Variants in GBA2 observed in about 807,000 individuals in gnomAD.
GBA2 encodes the protein glucosylceramidase beta 2, also known as non-lysosomal glucosylceramidase.
A neutral mutation model predicts 112.9 loss-of-function variants in GBA2; 79 were observed. The ratio of observed to expected loss-of-function variants is 0.70; its 90% CI spans 0.58 to 0.84. GBA2 has a LOEUF of 0.84. GBA2 is among the 40% of genes least tolerant of loss of function. The pLI is 0.00. For missense variants in GBA2, 1,043 were observed against 1,190.0 expected, an observed-to-expected ratio of 0.88 and a Z score of 1.82; for synonymous variants, 403 against 434.3, an observed-to-expected ratio of 0.93 and a Z score of 0.90.
Position 35,738,860 on chromosome 9 carries a change from A to G in GBA2, c.1839T>C (p.Asp613=), listed in dbSNP as rs1233350969. The G allele has an allele frequency of 6.2e-7, 1 of 1,613,510 alleles. No homozygotes were observed. The highest frequency in any genetic ancestry group is 1.1e-5 in the South Asian group (1 of 91,076). Residue 613 remains aspartate, a synonymous_variant, in exon 12 of 17, where the codon GAT becomes GAC. Coordinates refer to ENST00000378103, the MANE Select transcript of GBA2 (RefSeq NM_020944.3). ...WLRVNAYLIH[D]TADWKDLNLK... ...GGTTCAGGTCCTTCCAATCAGCAGT[A>G]TCATGGATTAAATATGCATTGACGC...
chr9:35,737,325 G>A lies in GBA2; in HGVS notation c.2628C>T (p.Ala876=), dbSNP rs1826265505. The change falls in exon 17 of 17, where the codon GCC becomes GCT. Residue 876 remains alanine, a synonymous_variant. Coordinates refer to ENST00000378103, the MANE Select transcript of GBA2 (RefSeq NM_020944.3). The surrounding 1 kb of genome is among the most constrained non-coding windows in gnomAD (Gnocchi z 4.1). The part of the protein sequence containing the change: ...YCQQRVFRSL[A]YMRPLSIWAM... ...CCCATATGCTCAGTGGCCGCATGTA[G>A]GCCAGTGAGCGGAACACTCGCTGCT... is the stretch of plus-strand genomic sequence containing the variant. 6.2e-7 allele frequency: 1 copy of A among 1,614,150 alleles called. No homozygotes were observed. The highest frequency in any genetic ancestry group is 2.2e-5 in the East Asian group (1 of 44,884).
At position 35,741,381 on chromosome 9, in the gene GBA2, G is replaced by A. The variant is rs1196495861; in HGVS notation, c.786+291C>T. On this transcript the variant is annotated intron_variant, in intron 4 of 16. Transcript: ENST00000378103. This position sits in a 1 kb window ranked among gnomAD's most constrained non-coding sequence, Gnocchi z 4.6. ...GCAATCTCGGCTCACTGCAAGCTCCGCCTCCCGGGTTCACACCATTATCCT... is the reference window on the plus strand; with the variant it reads ...GCAATCTCGGCTCACTGCAAGCTCCACCTCCCGGGTTCACACCATTATCCT... 15 of 486,816 alleles carry A rather than the reference G, an allele frequency of 3.1e-5. No individual in the cohort carries two copies. Among genetic ancestry groups the A allele is most frequent in the East Asian group, 3.6e-5 (1 of 27,596 alleles). 30.2% of individuals were successfully genotyped at this position (486,816 alleles called of 1,614,324 possible).
rs771881328 is a variant in GBA2, at chr9:35,738,160, C to T, written c.2198-8G>A. On this transcript the variant is annotated splice_region_variant and splice_polypyrimidine_tract_variant and intron_variant, in intron 14 of 16. Coordinates refer to ENST00000378103, the MANE Select transcript of GBA2 (RefSeq NM_020944.3). The stretch of plus-strand genomic sequence containing the variant: ...CATAGTTGTAATAGCGGCCTGGAGT[C>T]GAGGAAGAGAAAAATAAGGCTCCTG... 1.2e-5 allele frequency: 19 copies of T among 1,613,278 alleles called. No homozygotes were observed. The highest frequency in any genetic ancestry group is 1.5e-5 in the Non-Finnish European group (18 of 1,179,326).
rs958345842 is a variant in GBA2, at chr9:35,748,770, G to T, written c.-66C>A. 2.9e-6 allele frequency: 3 copies of T among 1,031,324 alleles called. No homozygotes were observed. Among genetic ancestry groups the T allele is most frequent in the East Asian group, 4.9e-5 (2 of 40,888 alleles). The allele number at this position is 1,031,324 out of a possible 1,614,324, so 63.9% of individuals were successfully genotyped here. A position where few individuals can be genotyped will look rare whatever the true frequency, so the allele number is the denominator to read the frequency against. On this transcript the variant is annotated 5_prime_UTR_variant, in exon 1 of 17. Transcript: ENST00000378103. ...TATCTCGCCAGCCTATTCCAGATGCGGGCGCCGGTCGTTGTTAGGTATCGT... is the reference window on the plus strand; with the variant it reads ...TATCTCGCCAGCCTATTCCAGATGCTGGCGCCGGTCGTTGTTAGGTATCGT...
chr9:35,738,012 C>G, intron 15 of GBA2, 25 bp downstream of exon 15: 1 of 1,592,546 alleles, frequency 6.3e-7, no homozygotes, highest in Non-Finnish European at 8.6e-7. Context: ...ATTTTTCTCT[C>G]TGGCTGCTCC....
rs776562048 is a variant in GBA2 at position 35,740,294 on chromosome 9, GT to G, written c.1197del (p.Pro400LeufsTer172). On this transcript the variant is annotated frameshift_variant, in exon 7 of 17. Coordinates refer to ENST00000378103, the MANE Select transcript of GBA2 (RefSeq NM_020944.3). LOFTEE classifies it high-confidence loss of function. The surrounding 1 kb of genome is among the most constrained non-coding windows in gnomAD (Gnocchi z 4.7). ...AACTCCAGGCGGCACTGGCCTCGAG[GT>G]CGCAACTTGCTGGAAACACACACAG... ...AGAVCVSSKL[R>X]PRGQCRLEFS... 1 of 1,613,966 alleles carries G rather than the reference GT, an allele frequency of 6.2e-7. No homozygotes were observed. The highest frequency in any genetic ancestry group is 8.5e-7 in the Non-Finnish European group (1 of 1,180,014).
rs897174262 is a variant in GBA2 at position 35,746,743 on chromosome 9, T to G, written c.359+1603A>C. Among the ~76,000 whole-genome samples, 2 of 151,832 alleles carry G rather than the reference T, an allele frequency of 1.3e-5. No individual in the cohort carries two copies. On this transcript the variant is annotated intron_variant, in intron 1 of 16. Transcript: ENST00000378103. This position sits in a 1 kb window ranked among gnomAD's most constrained non-coding sequence, Gnocchi z 5.2. ...GAAACTAGAGACCAGAAAGGACTGG[T>G]AGAGGGAGGGTGTGGCCGAGGATTA...
rs762058890 is a variant in GBA2 at position 35,740,801 on chromosome 9, G to A, written c.1026+24C>T. ...GTGGAGGTGGGGTTCAGGGGCTAAGGTATAGGGCAGGCTCTTTCCTTACCG... is the reference window on the plus strand; with the variant it reads ...GTGGAGGTGGGGTTCAGGGGCTAAGATATAGGGCAGGCTCTTTCCTTACCG... On this transcript the variant is annotated intron_variant, in intron 5 of 16. Coordinates refer to ENST00000378103, the MANE Select transcript of GBA2 (RefSeq NM_020944.3). The surrounding 1 kb of genome is among the most constrained non-coding windows in gnomAD (Gnocchi z 4.7). The A allele has an allele frequency of 1.9e-6, 3 of 1,613,462 alleles. No homozygotes were observed. The highest frequency in any genetic ancestry group is 1.7e-6 in the Non-Finnish European group (2 of 1,179,594).
rs368771988 is a variant in GBA2, at chr9:35,744,401, C to G, written c.463G>C (p.Gly155Arg). The change falls in exon 3 of 17, where the codon GGT (glycine) becomes CGT (arginine). Residue 155 changes from glycine to arginine, a missense_variant. By Grantham distance (125) the Gly-to-Arg change is moderately radical (BLOSUM62 -2). Transcript: ENST00000378103. ...GTAATAGTGCCTCCCCCGATGCCAC[C>G]CAAGGGACAACCTAGAGAAATCAGG... ...PLRQIYGCPL[G>R]GIGGGTITRG... is the part of the protein sequence containing the mutation. 1 of 1,598,506 alleles carries G rather than the reference C, an allele frequency of 6.3e-7. No individual in the cohort carries two copies. The highest frequency in any genetic ancestry group is 8.6e-7 in the Non-Finnish European group (1 of 1,165,802).
chr9:35,742,699 A>G (rs1826762065), intron 3 of GBA2, among the ~76,000 whole-genome samples: 1 of 152,088 alleles, frequency 6.6e-6, no homozygotes, highest in South Asian at 2.1e-4. Context: ...CCCTTTTTCC[A>G]CAGTATACTA....
At chr9:35,747,694 T>C (rs986804451) in intron 1 of GBA2, among the ~76,000 whole-genome samples, 7 of 152,194 alleles carry the variant, frequency 4.6e-5, no homozygotes, top group African/African-American at 1.7e-4. Context: ...TCACTAGTCT[T>C]TGAACTCAGT....
In GBA2 at chr9:35,737,322, G is replaced by A. The variant is rs925121854; in HGVS notation, c.2631C>T (p.Tyr877=). The change falls in exon 17 of 17, where the codon TAC becomes TAT. Residue 877 remains tyrosine, a synonymous_variant. Coordinates refer to ENST00000378103, the MANE Select transcript of GBA2 (RefSeq NM_020944.3). The surrounding 1 kb of genome is among the most constrained non-coding windows in gnomAD (Gnocchi z 4.1). The part of the protein sequence containing the change: ...CQQRVFRSLA[Y]MRPLSIWAMQ... Reference sequence around the variant, plus strand: ...TGGCCCATATGCTCAGTGGCCGCATGTAGGCCAGTGAGCGGAACACTCGCT... The same window carrying A: ...TGGCCCATATGCTCAGTGGCCGCATATAGGCCAGTGAGCGGAACACTCGCT... The A allele has an allele frequency of 6.2e-7, 1 of 1,614,056 alleles. No individual in the cohort carries two copies. Among genetic ancestry groups the A allele is most frequent in the Middle Eastern group, 1.6e-4 (1 of 6,062 alleles).
chr9:35,739,474 C>A lies in GBA2; in HGVS notation c.1583-55G>T, dbSNP rs1257189947. 4 of 1,381,996 alleles carry A rather than the reference C, an allele frequency of 2.9e-6. No individual in the cohort carries two copies. In the East Asian group the frequency reaches 6.9e-5, roughly 24 times the overall value. The allele number at this position is 1,381,996 out of a possible 1,614,324, so 85.6% of individuals were successfully genotyped here. ...CAGAATTCCTGCTTCCCCTTCAAAC[C>A]CCTCTGTAGCTTGTCCTCTAGATTT... On this transcript the variant is annotated intron_variant, in intron 9 of 16. Transcript: ENST00000378103.
Position 35,737,487 on chromosome 9 carries a change from C to T in GBA2, c.2506-40G>A, listed in dbSNP as rs1463614475. On this transcript the variant is annotated intron_variant, in intron 16 of 16. Coordinates refer to ENST00000378103, the MANE Select transcript of GBA2 (RefSeq NM_020944.3). The surrounding 1 kb of genome is among the most constrained non-coding windows in gnomAD (Gnocchi z 4.1). Reference sequence around the variant, plus strand: ...GACAGTCATACATACTAACTTGGCACCCTCTGAAGAGCCACTTCCACTGGA... The same window carrying T: ...GACAGTCATACATACTAACTTGGCATCCTCTGAAGAGCCACTTCCACTGGA... 4.4e-6 allele frequency: 7 copies of T among 1,600,460 alleles called. No homozygotes were observed. Among genetic ancestry groups the T allele is most frequent in the Non-Finnish European group, 5.1e-6 (6 of 1,173,242 alleles).
chr9:35,738,055 T>C lies in GBA2; in HGVS notation c.2295A>G (p.Leu765=). ...CTCTCACCTCAGTGTCTCCTTCTCC[T>C]AGGCCACAGGCCTTCAGGAACCACT... The part of the protein sequence containing the change: ...AGQWFLKACG[L]GEGDTEVFPT... Residue 765 remains leucine (L), a synonymous_variant, in exon 15 of 17, where the codon CTA becomes CTG. Coordinates refer to ENST00000378103, the MANE Select transcript of GBA2 (RefSeq NM_020944.3). The C allele has an allele frequency of 6.2e-7, 1 of 1,610,892 alleles. No homozygotes were observed. The highest frequency in any genetic ancestry group is 8.5e-7 in the Non-Finnish European group (1 of 1,177,770).
chr9:35,744,649 G>T lies in GBA2; in HGVS notation c.417C>A (p.Asp139Glu). The change falls in exon 2 of 17, where the codon GAC (aspartate) becomes GAA (glutamate). Residue 139 changes from aspartate (D) to glutamate (E), a missense_variant. Coordinates refer to ENST00000378103, the MANE Select transcript of GBA2 (RefSeq NM_020944.3). ...THVEKKTPFI[D>E]MINSVPLRQI... ...GTCTTAGGGGTACAGAATTGATCATGTCGATGAAAGGTGTCTTCTTTTCCA... is the reference window on the plus strand; with the variant it reads ...GTCTTAGGGGTACAGAATTGATCATTTCGATGAAAGGTGTCTTCTTTTCCA... 1 of 1,609,434 alleles carries T rather than the reference G, an allele frequency of 6.2e-7. No homozygotes were observed. The highest frequency in any genetic ancestry group is 8.5e-7 in the Non-Finnish European group (1 of 1,175,716).
rs1253601962 is a variant in GBA2, at chr9:35,738,380, C to G, written c.2055-6G>C. On this transcript the variant is annotated splice_polypyrimidine_tract_variant and splice_region_variant and intron_variant, in intron 13 of 16. Coordinates refer to ENST00000378103, the MANE Select transcript of GBA2 (RefSeq NM_020944.3). ...ACAGCCCTCCACAGTAAGCACTGAT[C>G]AGGGACATGGGTTTGGGGGTCAGAC... The G allele has an allele frequency of 6.2e-7, 1 of 1,613,358 alleles. No individual in the cohort carries two copies.
chr9:35,737,728 T>C lies in GBA2; in HGVS notation c.2505+20A>G, dbSNP rs1308088106. ...GGCCAGGATACAGATGGTGGAGAGA[T>C]GGGAAAAGGAGTGCATTACCTCTTG... On this transcript the variant is annotated intron_variant, in intron 16 of 16. Coordinates refer to ENST00000378103, the MANE Select transcript of GBA2 (RefSeq NM_020944.3). The surrounding 1 kb of genome is among the most constrained non-coding windows in gnomAD (Gnocchi z 4.1). 1.2e-6 allele frequency: 2 copies of C among 1,612,744 alleles called. No homozygotes were observed. Among genetic ancestry groups the C allele is most frequent in the Non-Finnish European group, 8.5e-7 (1 of 1,178,810 alleles).
intron 3 of GBA2, among the ~76,000 whole-genome samples, chr9:35,743,754 A>G (rs1826828448): frequency 6.6e-6 from 1 of 152,210 alleles, no homozygotes; most frequent in African/African-American, 2.4e-5. Flanking sequence ...GTGAAGCTTC[A>G]GAAGAGGGAA....
Sources: gnomAD v4.1 joint callset for allele counts (sites outside exome capture counted in the v4.1 genomes callset) on GRCh38, gnomAD v4.1.1 for gene constraint, Gnocchi (gnomAD v3.1) non-coding constraint, MANE v1.5 for transcripts, NCBI Gene and HGNC (gene_info 2026-07-23, HGNC 2026-07-21) for gene names.